The following LAMB1 variants were observed in gnomAD, a reference collection of about 807,000 sequenced individuals.
LAMB1 encodes the protein laminin subunit beta-1.
Under a neutral mutation model 222.3 loss-of-function variants are expected in LAMB1, and 121 were observed. The observed-to-expected ratio is 0.54, with a 90% CI of 0.47 to 0.63. The LOEUF is 0.63. LAMB1 is among the 30% of genes least tolerant of loss of function. The pLI is 0.00. For synonymous variants in LAMB1, 794 were observed against 807.2 expected (o/e 0.98, Z 0.28); for missense variants, 2,172 against 2,240.8 (o/e 0.97, Z 0.62).
At chr7:107,929,777 TGAGGGG>T in intron 29 of LAMB1, 158 bp from the exon 30 acceptor site, 1 of 595,360 alleles carries the variant, frequency 1.7e-6, no homozygotes, top group Non-Finnish European at 2.9e-6. Context: ...TCTGGGATTT[TGAGGGG>T]AGATGAGACC....
intron 29 of LAMB1, 45 bp downstream of exon 29, chr7:107,931,311 C>G: frequency 6.7e-7 from 1 of 1,494,292 alleles, no homozygotes; most frequent in South Asian, 1.1e-5. Context: ...AACAGAGAAT[C>G]ACACAGAAAC....
chr7:108,000,261 C>G lies in LAMB1; in HGVS notation c.213+1297G>C, dbSNP rs552301362. 3.3e-5 allele frequency among the ~76,000 whole-genome samples: 5 copies of G among 152,098 alleles called. No homozygotes were observed. The East Asian group carries it at 5.8e-4, about 18-fold the overall frequency. On this transcript the variant is annotated intron_variant, in intron 3 of 33. Transcript: ENST00000222399. ...TCCCTTCTAATCAGGAGGAAGCAGT[C>G]TAGACATCTCTGTATAAACCTGGAA...
At chr7:107,986,897 A>G (rs2034089549) in intron 5 of LAMB1, among the ~76,000 whole-genome samples, 3 of 152,258 alleles carry the variant, frequency 2.0e-5, no homozygotes, top group Admixed American at 1.3e-4. Flanking sequence ...AGCAAGAGGA[A>G]GAAATTAATA....
At chr7:107,949,668 C>A (rs1165462898) in intron 24 of LAMB1, among the ~76,000 whole-genome samples, 1 of 152,084 alleles carries the variant, frequency 6.6e-6, no homozygotes, top group Non-Finnish European at 1.5e-5. Context: ...AAACATTATC[C>A]CCACTGTGAA....
intron 2 of LAMB1, chr7:108,002,160 C>G: frequency 1.4e-6 from 2 of 1,434,042 alleles, no homozygotes; most frequent in Non-Finnish European, 1.9e-6. Context: ...CGCGGCAGCC[C>G]GCGCATCCTC....
rs777407542 is a variant in LAMB1, at chr7:107,940,049, A to G, written c.3701T>C (p.Leu1234Pro). The change falls in exon 25 of 34, where the codon CTG becomes CCG. Residue 1234 changes from leucine (L) to proline (P), a missense_variant. By Grantham distance (98) the Leu-to-Pro change is moderately conservative (BLOSUM62 -3). Coordinates refer to ENST00000222399, the MANE Select transcript of LAMB1 (RefSeq NM_002291.3). ...TGGCTCTGCTGCGGGGCTCTGCGCC[A>G]GGATGTCTTTTATCTCGCTGACTTT... is the stretch of plus-strand genomic sequence containing the variant. ...ERKVSEIKDI[L>P]AQSPAAEPLK... 3.7e-6 allele frequency: 6 copies of G among 1,613,966 alleles called. No homozygotes were observed. The African/African-American group carries it at 8.0e-5, about 22-fold the overall frequency.
In LAMB1 at chr7:107,994,660, G is replaced by C. The variant is rs13247575; in HGVS notation, c.423+227C>G. Among the ~76,000 whole-genome samples the C allele has an allele frequency of 0.37, 55,907 of 152,030 alleles. 10,471 individuals carry two copies. Among genetic ancestry groups the C allele is most frequent in the Non-Finnish European group, 0.41 (27,763 of 67,978 alleles). On this transcript the variant is annotated intron_variant, in intron 5 of 33. Transcript: ENST00000222399. Reference sequence around the variant, plus strand: ...GATACCTAATTAAAAGTTTACAGTTGAATTACCTTAGAATAGAGGCTCTTT... The same window carrying C: ...GATACCTAATTAAAAGTTTACAGTTCAATTACCTTAGAATAGAGGCTCTTT...
chr7:107,992,451 C>A (rs992781638), intron 5 of LAMB1, among the ~76,000 whole-genome samples: 1 of 152,212 alleles, frequency 6.6e-6, no homozygotes, highest in Admixed American at 6.5e-5. Context: ...TAGTTTCTTA[C>A]AAACAGAAGA....
Position 107,999,204 on chromosome 7 carries a change from A to G in LAMB1, c.214-712T>C, listed in dbSNP as rs569822952. On this transcript the variant is annotated intron_variant, in intron 3 of 33. Transcript: ENST00000222399. Reference sequence around the variant, plus strand: ...ACTGTAAGTTTTAGGTTAGCTTTGAATTTCTCTTACTTTCTTTCTCCTAAA... The same window carrying G: ...ACTGTAAGTTTTAGGTTAGCTTTGAGTTTCTCTTACTTTCTTTCTCCTAAA... Among the ~76,000 whole-genome samples the G allele has an allele frequency of 2.0e-5, 3 of 152,350 alleles. No individual in the cohort carries two copies. In the South Asian group the frequency reaches 6.2e-4, roughly 32 times the overall value.
At chr7:107,959,005 A>G (rs1229940592) in intron 20 of LAMB1, among the ~76,000 whole-genome samples, 1 of 152,246 alleles carries the variant, frequency 6.6e-6, no homozygotes, top group African/African-American at 2.4e-5. Context: ...TGACTCGCCA[A>G]GAGGACGGAT....
intron 14 of LAMB1, among the ~76,000 whole-genome samples, chr7:107,964,191 T>C (rs1414905307): frequency 6.6e-6 from 1 of 152,220 alleles, no homozygotes; most frequent in East Asian, 1.9e-4. Context: ...GAGCCAGGCA[T>C]ACATTTAAAG....
In LAMB1 at chr7:107,980,813, T is replaced by C; in HGVS notation, c.677-2A>G. ...TCAAGTTGGTAATTTTTAATAAATCTAGGAAGGTCATCAAGAAGATGAAAA... is the reference window on the plus strand; with the variant it reads ...TCAAGTTGGTAATTTTTAATAAATCCAGGAAGGTCATCAAGAAGATGAAAA... On this transcript the variant is annotated splice_acceptor_variant, in intron 7 of 33. Transcript: ENST00000222399. LOFTEE classifies it high-confidence loss of function. The C allele has an allele frequency of 6.3e-7, 1 of 1,583,082 alleles. No homozygotes were observed. The highest frequency in any genetic ancestry group is 8.7e-7 in the Non-Finnish European group (1 of 1,153,162).
At chr7:108,002,282 G>A in intron 2 of LAMB1, 12 of 1,311,850 alleles carry the variant, frequency 9.1e-6, no homozygotes, top group Non-Finnish European at 1.2e-5. Flanking sequence ...GGCTCGCGGT[G>A]GACGCCGCTT....
In LAMB1 at chr7:107,937,193, G is replaced by C. The variant is rs1329650196; in HGVS notation, c.3846C>G (p.Ala1282=). The C allele has an allele frequency of 1.2e-6, 2 of 1,613,728 alleles. No individual in the cohort carries two copies. Among genetic ancestry groups the C allele is most frequent in the Non-Finnish European group, 1.7e-6 (2 of 1,179,810 alleles). The change falls in exon 26 of 34, where the codon GCC becomes GCG. Residue 1282 remains alanine (A), a synonymous_variant. Coordinates refer to ENST00000222399, the MANE Select transcript of LAMB1 (RefSeq NM_002291.3). ...SDTTSQSNST[A]KELDSLQTEA... ...CTGTCTGTAGAGAATCCAGTTCTTT[G>C]GCTGTGCTGTTGCTTTGGGAAGTTG...
chr7:107,926,150 A>G, intron 32 of LAMB1, 33 bp downstream of exon 32: 1 of 1,585,082 alleles, frequency 6.3e-7, no homozygotes, highest in Non-Finnish European at 8.7e-7. Context: ...CTCCTTTAAC[A>G]ACATAGCTCT....
intron 22 of LAMB1, among the ~76,000 whole-genome samples, chr7:107,952,811 T>C (rs930646830): frequency 6.6e-6 from 1 of 152,206 alleles, no homozygotes; most frequent in South Asian, 2.1e-4. Flanking sequence ...GAGATGCTAC[T>C]TCTTTCTCTT....
Position 107,975,088 on chromosome 7 carries a change from G to A in LAMB1, c.1380C>T (p.Cys460=). The stretch of plus-strand genomic sequence containing the variant: ...CTCCAGGAATTGTTCCCAGAGGATT[G>A]CAAGCACAAGCTGTATTAAAACAAA... ...EDPFGCKSCA[C]NPLGTIPGGN... The change falls in exon 12 of 34, where the codon TGC becomes TGT. Residue 460 remains cysteine (C), a synonymous_variant. Transcript: ENST00000222399. The A allele has an allele frequency of 6.2e-7, 1 of 1,604,936 alleles. No individual in the cohort carries two copies. The highest frequency in any genetic ancestry group is 8.5e-7 in the Non-Finnish European group (1 of 1,171,730).
rs1174176075 is a variant in LAMB1 at position 107,960,661 on chromosome 7, T to C, written c.2110-12A>G. On this transcript the variant is annotated splice_polypyrimidine_tract_variant and intron_variant, in intron 17 of 33. Coordinates refer to ENST00000222399, the MANE Select transcript of LAMB1 (RefSeq NM_002291.3). ...GGCATGAGAACAAGCTGTGAAGAAATGAGAACGGCCAAACATCCTTACAGT... is the reference window on the plus strand; with the variant it reads ...GGCATGAGAACAAGCTGTGAAGAAACGAGAACGGCCAAACATCCTTACAGT... 34 of 1,612,590 alleles carry C rather than the reference T, an allele frequency of 2.1e-5. No individual in the cohort carries two copies. The highest frequency in any genetic ancestry group is 2.6e-5 in the Non-Finnish European group (31 of 1,178,660).
Position 108,002,925 on chromosome 7 carries a change from G to A in LAMB1, c.-40C>T. The A allele has an allele frequency of 6.2e-7, 1 of 1,611,830 alleles. No individual in the cohort carries two copies. The highest frequency in any genetic ancestry group is 8.5e-7 in the Non-Finnish European group (1 of 1,179,492). On this transcript the variant is annotated 5_prime_UTR_variant, in exon 2 of 34. Coordinates refer to ENST00000222399, the MANE Select transcript of LAMB1 (RefSeq NM_002291.3). ...GCCACGGGGACGCGGCAGAGGAGTGGAGAAGACGCCCGCCGAGCCGCCTGC... is the reference window on the plus strand; with the variant it reads ...GCCACGGGGACGCGGCAGAGGAGTGAAGAAGACGCCCGCCGAGCCGCCTGC...
Sources: gnomAD v4.1 joint callset for allele counts (sites outside exome capture counted in the v4.1 genomes callset) on GRCh38, gnomAD v4.1.1 for gene constraint, MANE v1.5 for transcripts, NCBI Gene and HGNC (gene_info 2026-07-23, HGNC 2026-07-21) for gene names.